The following HTR3B variants were observed in gnomAD, a reference collection of about 807,000 sequenced individuals.
The protein encoded by HTR3B is 5-hydroxytryptamine receptor 3B.
Under a neutral mutation model 42.8 loss-of-function variants are expected in HTR3B, and 44 were observed. The observed-to-expected ratio is 1.03, with a 90% confidence interval of 0.81 to 1.32. HTR3B has a LOEUF of 1.32. Ranked by LOEUF, HTR3B falls within the 40% of genes most tolerant of loss-of-function variation. HTR3B has a pLI of 0.00. For missense variants in HTR3B, 527 were observed against 536.5 expected (o/e 0.98, Z 0.17); for synonymous variants, 203 against 209.0 (o/e 0.97, Z 0.25).
chr11:113,902,424 G>A (rs1288966479), upstream of HTR3B, among the ~76,000 whole-genome samples: 2 of 152,010 alleles, frequency 1.3e-5, no homozygotes, highest in Non-Finnish European at 2.9e-5. Context: ...AGCCTCCTGA[G>A]TAGCTGGAAT....
chr11:113,903,784 A>G (rs1253448949), upstream of HTR3B, among the ~76,000 whole-genome samples: 1 of 152,168 alleles, frequency 6.6e-6, no homozygotes, highest in Non-Finnish European at 1.5e-5. Flanking sequence ...GTTCACACTG[A>G]TACCTCCAAA....
At chr11:113,909,812 G>A (rs2137485879) in intron 2 of HTR3B, among the ~76,000 whole-genome samples, 1 of 152,050 alleles carries the variant, frequency 6.6e-6, no homozygotes, top group African/African-American at 2.4e-5. Flanking sequence ...GTGAAACCCT[G>A]TCTGTACCAA....
At chr11:113,926,895 T>C (rs1299862474) in intron 2 of HTR3B, among the ~76,000 whole-genome samples, 2 of 152,162 alleles carry the variant, frequency 1.3e-5, no homozygotes, top group Non-Finnish European at 2.9e-5. Context: ...GGCTCCAACT[T>C]CTCTACATCC....
At chr11:113,929,116 T>C (rs1036734358) in intron 2 of HTR3B, among the ~76,000 whole-genome samples, 1 of 152,224 alleles carries the variant, frequency 6.6e-6, no homozygotes, top group Non-Finnish European at 1.5e-5. Flanking sequence ...AGCTGCACCA[T>C]TTTACATTTC....
At position 113,944,629 on chromosome 11, in the gene HTR3B, G is replaced by C. The variant is rs191701522; in HGVS notation, c.964G>C (p.Val322Leu). Residue 322 changes from valine (V) to leucine (L), a missense_variant, in exon 8 of 9, where the codon GTG (valine) becomes CTG (leucine). Transcript: ENST00000260191. ...GGTTCTCAGCTTAGCTAAGTCCATC[G>C]TGTTGGTCAAATTCCTCCATGATGA... is the stretch of plus-strand genomic sequence containing the variant. ...FLVLSLAKSIVLVKFLHDEQR... is the reference protein window; with the variant it reads ...FLVLSLAKSILLVKFLHDEQR... The C allele has an allele frequency of 1.2e-6, 2 of 1,614,144 alleles. No individual in the cohort carries two copies. Among genetic ancestry groups the C allele is most frequent in the Non-Finnish European group, 8.5e-7 (1 of 1,180,030 alleles).
At chr11:113,931,921 G>T in intron 4 of HTR3B, 54 bp downstream of exon 4, 2 of 987,446 alleles carry the variant, frequency 2.0e-6, no homozygotes, top group African/African-American at 1.6e-5. Context: ...GTATAGTCGG[G>T]CCAGTTGCTG....
intron 6 of HTR3B, among the ~76,000 whole-genome samples, chr11:113,935,440 T>A (rs1950083618): frequency 8.0e-6 from 1 of 124,512 alleles, no homozygotes; most frequent in African/African-American, 2.6e-5. Flanking sequence ...AGGGAGAGAA[T>A]CCTGAGTAGA....
At chr11:113,900,175 T>G (rs976957303), upstream of HTR3B, among the ~76,000 whole-genome samples, 1 of 152,044 alleles carries the variant, frequency 6.6e-6, no homozygotes, top group East Asian at 2.0e-4. Flanking sequence ...GGAGAATCAC[T>G]TGAACTTGGG....
In HTR3B at chr11:113,913,350, A is replaced by ATTTTTTTTTTTT. The variant is rs71063533; in HGVS notation, c.213+3916_213+3927dup. Among the ~76,000 whole-genome samples the ATTTTTTTTTTTT allele has an allele frequency of 1.6e-3, 101 of 61,528 alleles. 4 individuals are homozygous for ATTTTTTTTTTTT. The highest frequency in any genetic ancestry group is 2.9e-3 in the African/African-American group (41 of 13,944). The allele number at this position is 61,528 out of a possible 152,430, so 40.4% of individuals were successfully genotyped here. On this transcript the variant is annotated intron_variant, in intron 2 of 8. Transcript: ENST00000260191. ...AGGTGCCTGCCACCATGTCTGGCTA[A>ATTTTTTTTTTTT]TTTTTTTTTTTTTTTTTTTTTTTTT...
rs375122381 is a variant in HTR3B, at chr11:113,948,156, C to T, written c.*2019C>T. Among the ~76,000 whole-genome samples the T allele has an allele frequency of 9.2e-5, 14 of 152,274 alleles. No homozygotes were observed. Among genetic ancestry groups the T allele is most frequent in the East Asian group, 5.8e-4 (3 of 5,186 alleles). On this transcript the variant is annotated 3_prime_UTR_variant, in exon 9 of 9. Transcript: ENST00000260191. ...AACAGGAAGTGTCCATGCAAACCTC[C>T]ACCTGTTTCCTTCCTCACTTCCTAC...
chr11:113,928,263 A>G (rs1280206368), intron 2 of HTR3B, among the ~76,000 whole-genome samples: 1 of 151,802 alleles, frequency 6.6e-6, no homozygotes, highest in Non-Finnish European at 1.5e-5. Flanking sequence ...TATGTACCAC[A>G]TTTTCTTTAT....
chr11:113,902,307 T>C (rs1949701909), upstream of HTR3B, among the ~76,000 whole-genome samples: 1 of 152,158 alleles, frequency 6.6e-6, no homozygotes, highest in Admixed American at 6.5e-5. Context: ...GTTTTTTTTT[T>C]CTTTTCTGAG....
At chr11:113,925,065 C>G (rs1949956081) in intron 2 of HTR3B, among the ~76,000 whole-genome samples, 1 of 152,314 alleles carries the variant, frequency 6.6e-6, no homozygotes, top group Admixed American at 6.5e-5. Flanking sequence ...CGCAGAGCCA[C>G]TGTGTAGTCT....
intron 2 of HTR3B, among the ~76,000 whole-genome samples, chr11:113,928,917 G>A (rs143028154): frequency 6.6e-6 from 1 of 152,072 alleles, no homozygotes; most frequent in Admixed American, 6.5e-5. Flanking sequence ...TTCATCTGTC[G>A]ATGGACACTT....
intron 2 of HTR3B, among the ~76,000 whole-genome samples, chr11:113,930,012 A>G (rs1186670379): frequency 6.6e-6 from 1 of 152,172 alleles, no homozygotes; most frequent in Non-Finnish European, 1.5e-5. Context: ...CTGGGATTAC[A>G]GGTGCGAGCC....
intron 2 of HTR3B, among the ~76,000 whole-genome samples, chr11:113,910,121 AAG>A (rs1949774088): frequency 6.6e-6 from 1 of 152,096 alleles, no homozygotes; most frequent in South Asian, 2.1e-4. Flanking sequence ...CAGATTTAAG[AAG>A]AGATTCACTA....
rs950835426 is a variant in HTR3B at position 113,946,287 on chromosome 11, G to A, written c.*150G>A. The A allele has an allele frequency of 1.6e-6, 1 of 630,310 alleles. No homozygotes were observed. Among genetic ancestry groups the A allele is most frequent in the Admixed American group, 2.6e-5 (1 of 39,194 alleles). 39.0% of individuals were successfully genotyped at this position (630,310 alleles called of 1,614,324 possible). On this transcript the variant is annotated 3_prime_UTR_variant, in exon 9 of 9. Transcript: ENST00000260191. ...AGGCCATAGCAGGAGGATTGCTTGAGCCCAGGAGTTCGAGACCAGCCAGAG... is the reference window on the plus strand; with the variant it reads ...AGGCCATAGCAGGAGGATTGCTTGAACCCAGGAGTTCGAGACCAGCCAGAG...
chr11:113,914,281 G>A (rs1455706268), intron 2 of HTR3B, among the ~76,000 whole-genome samples: 1 of 151,500 alleles, frequency 6.6e-6, no homozygotes, highest in Non-Finnish European at 1.5e-5. Context: ...CAGCCTCAAC[G>A]TGGAGAAACC....
At chr11:113,943,288 G>A (rs1172482241) in intron 7 of HTR3B, 96 bp downstream of exon 7, 1 of 1,080,652 alleles carries the variant, frequency 9.3e-7, no homozygotes, top group Non-Finnish European at 1.4e-6. Flanking sequence ...CGTAATATCA[G>A]CACTTTGGGA....
Sources: allele counts gnomAD v4.1 joint callset (sites outside exome capture counted in the v4.1 genomes callset), GRCh38; gene constraint gnomAD v4.1.1; transcripts MANE v1.5; gene names NCBI Gene and HGNC (gene_info 2026-07-23, HGNC 2026-07-21).